The following PALLD variants were observed in gnomAD, a reference collection of about 807,000 sequenced individuals.
The protein encoded by PALLD is palladin.
In PALLD, 61 loss-of-function variants were observed where a neutral mutation model predicts 123.5. That is an observed-to-expected ratio of 0.49 (90% CI 0.40 to 0.61). PALLD has a LOEUF of 0.61. Ranked by LOEUF, PALLD falls within the 20% of genes least tolerant of loss-of-function variation. PALLD has a pLI of 0.00. For missense variants in PALLD, 1,273 were observed against 1,377.0 expected, an observed-to-expected ratio of 0.92 and a Z score of 1.20; for synonymous variants, 465 against 496.4, an observed-to-expected ratio of 0.94 and a Z score of 0.84.
At chr4:168,518,873 T>C (rs1763259544) in intron 2 of PALLD, among the ~76,000 whole-genome samples, 1 of 152,220 alleles carries the variant, frequency 6.6e-6, no homozygotes, top group Non-Finnish European at 1.5e-5. Context: ...GAACAGTGTC[T>C]GGCATGTAAC....
chr4:168,556,810 G>T (rs1218297650), intron 2 of PALLD, among the ~76,000 whole-genome samples: 1 of 152,210 alleles, frequency 6.6e-6, no homozygotes, highest in Non-Finnish European at 1.5e-5. Flanking sequence ...GGGCTGCCCC[G>T]ATGTCTCTTT....
chr4:168,564,367 T>A (rs1406175428), intron 2 of PALLD, among the ~76,000 whole-genome samples: 2 of 152,344 alleles, frequency 1.3e-5, no homozygotes, highest in East Asian at 3.9e-4. Flanking sequence ...CTTCACAATT[T>A]TTTCTATAAA....
intron 10 of PALLD, among the ~76,000 whole-genome samples, chr4:168,824,028 G>A (rs1743083423): frequency 6.6e-6 from 1 of 152,176 alleles, no homozygotes; most frequent in Non-Finnish European, 1.5e-5. Flanking sequence ...GAATAATAAT[G>A]TTGCCACCTA....
At chr4:168,519,815 G>C (rs989759508) in intron 2 of PALLD, among the ~76,000 whole-genome samples, 1 of 152,080 alleles carries the variant, frequency 6.6e-6, no homozygotes, top group Non-Finnish European at 1.5e-5. Flanking sequence ...ATAGGAACAA[G>C]CACACTAGGG....
At position 168,557,573 on chromosome 4, in the gene PALLD, A is replaced by G. The variant is rs531586319; in HGVS notation, c.908+45161A>G. 4.7e-4 allele frequency among the ~76,000 whole-genome samples: 72 copies of G among 152,330 alleles called. 1 individual carries two copies. The highest frequency in any genetic ancestry group is 1.6e-3 in the African/African-American group (68 of 41,568). On this transcript the variant is annotated intron_variant, in intron 2 of 21. Coordinates refer to ENST00000505667, the MANE Select transcript of PALLD (RefSeq NM_001166108.2). ...CAACTCAAGAAGTAAACAAATCATA[A>G]TCAATTCCTCTTGTCCCCTACCCCT...
chr4:168,820,272 A>G (rs1742533735), intron 10 of PALLD, among the ~76,000 whole-genome samples: 1 of 152,216 alleles, frequency 6.6e-6, no homozygotes, highest in Non-Finnish European at 1.5e-5. Flanking sequence ...CCTTGCAGCA[A>G]TTAATCAGGT....
At chr4:168,523,472 GGAGAT>G (rs1273200431) in intron 2 of PALLD, among the ~76,000 whole-genome samples, 9 of 152,238 alleles carry the variant, frequency 5.9e-5, no homozygotes, top group African/African-American at 1.7e-4. Context: ...GGACATCTAG[GGAGAT>G]GAGAAAGAAA....
chr4:168,786,055 C>T (rs929028657), intron 10 of PALLD, among the ~76,000 whole-genome samples: 2 of 151,646 alleles, frequency 1.3e-5, no homozygotes, highest in South Asian at 2.1e-4. Flanking sequence ...GTCGGCCGGG[C>T]GCAGTGGCTC....
chr4:168,926,654 A>G lies in PALLD; in HGVS notation c.*474A>G. ...TGTGATTAAAGTGATCAAAATGCCA[A>G]AATACTAAAGGAAATCAATTGTTCA... On this transcript the variant is annotated 3_prime_UTR_variant, in exon 22 of 22. Transcript: ENST00000505667. 2.7e-6 allele frequency: 1 copy of G among 374,612 alleles called. No homozygotes were observed. The highest frequency in any genetic ancestry group is 4.2e-5 in the Admixed American group (1 of 23,700). The allele number at this position is 374,612 out of a possible 1,614,324, so 23.2% of individuals were successfully genotyped here. A position where few individuals can be genotyped will look rare whatever the true frequency, so the allele number is the denominator to read the frequency against.
intron 10 of PALLD, among the ~76,000 whole-genome samples, chr4:168,801,372 G>A (rs531682033): frequency 1.6e-3 from 239 of 152,234 alleles, no homozygotes; most frequent in South Asian, 2.9e-3. Flanking sequence ...TCTGCCTCCC[G>A]GGTTCAAGCG....
At chr4:168,510,871 T>C (rs1056390739) in intron 1 of PALLD, among the ~76,000 whole-genome samples, 3 of 152,336 alleles carry the variant, frequency 2.0e-5, no homozygotes, top group East Asian at 1.9e-4. Context: ...ATCCCTGGCA[T>C]ACAGCACAGC....
At chr4:168,720,136 C>A (rs548052047) in intron 10 of PALLD, among the ~76,000 whole-genome samples, 20 of 152,320 alleles carry the variant, frequency 1.3e-4, no homozygotes, top group African/African-American at 4.8e-4. Context: ...TTTGAATAAT[C>A]TATAACCTGG....
At chr4:168,925,305 A>G (rs1762367626) in intron 21 of PALLD, 27 bp downstream of exon 21, 3 of 1,527,910 alleles carry the variant, frequency 2.0e-6, no homozygotes, top group South Asian at 2.2e-5. Flanking sequence ...TTGAATTATT[A>G]GCAAAATATG....
chr4:168,525,276 A>C (rs1763937609), intron 2 of PALLD, among the ~76,000 whole-genome samples: 1 of 152,236 alleles, frequency 6.6e-6, no homozygotes, highest in Non-Finnish European at 1.5e-5. Context: ...TTACGAAATA[A>C]ATAATTTTAA....
intron 2 of PALLD, among the ~76,000 whole-genome samples, chr4:168,628,052 G>A (rs1024043218): frequency 6.6e-6 from 1 of 152,228 alleles, no homozygotes; most frequent in Non-Finnish European, 1.5e-5. Flanking sequence ...CCCTTTGAAA[G>A]GCAGCTTGGC....
At chr4:168,764,398 C>G (rs1733368027) in intron 10 of PALLD, among the ~76,000 whole-genome samples, 1 of 152,072 alleles carries the variant, frequency 6.6e-6, no homozygotes, top group Non-Finnish European at 1.5e-5. Context: ...ATGTTGGCCC[C>G]TAGGAACATT....
At chr4:168,638,335 A>C (rs1776554173) in intron 2 of PALLD, among the ~76,000 whole-genome samples, 1 of 152,214 alleles carries the variant, frequency 6.6e-6, no homozygotes, top group South Asian at 2.1e-4. Context: ...CTGTGCTCTC[A>C]GACCTTCAGG....
intron 2 of PALLD, among the ~76,000 whole-genome samples, chr4:168,560,526 G>A (rs928464226): frequency 6.6e-6 from 1 of 152,194 alleles, no homozygotes; most frequent in African/African-American, 2.4e-5. Flanking sequence ...AAGACGAAGA[G>A]TATGAGTATC....
intron 15 of PALLD, among the ~76,000 whole-genome samples, chr4:168,904,948 G>A (rs187343664): frequency 0.015 from 2,234 of 151,824 alleles, 28 homozygotes; most frequent in Non-Finnish European, 0.022. Flanking sequence ...CCAACATGGC[G>A]AAACCCTGTC....
Sources: allele counts gnomAD v4.1 joint callset (sites outside exome capture counted in the v4.1 genomes callset), GRCh38; gene constraint gnomAD v4.1.1; transcripts MANE v1.5; gene names NCBI Gene and HGNC (gene_info 2026-07-23, HGNC 2026-07-21).